The following TTC23 variants were observed in gnomAD, a reference collection of about 807,000 sequenced individuals.
TTC23 encodes tetratricopeptide repeat domain 23.
A neutral mutation model predicts 55.1 loss-of-function variants in TTC23; 58 were observed. The observed-to-expected ratio is 1.05, with a 90% CI of 0.85 to 1.31. The LOEUF is 1.31. Among genes scored for constraint, TTC23 ranks in the 50% most tolerant of loss-of-function variants. The probability of loss-of-function intolerance (pLI) is 0.00; values close to 1 mark genes in which losing one functional copy is unlikely to be tolerated. For synonymous variants in TTC23, 203 were observed against 199.9 expected, an observed-to-expected ratio of 1.02 and a Z score of -0.13; for missense variants, 516 against 534.4, an observed-to-expected ratio of 0.97 and a Z score of 0.34.
chr15:99,176,039 A>C (rs2073510944), intron 9 of TTC23, among the ~76,000 whole-genome samples: 1 of 152,204 alleles, frequency 6.6e-6, no homozygotes, highest in African/African-American at 2.4e-5. Flanking sequence ...GATCTTCTGA[A>C]CATAAAATCA....
chr15:99,237,730 T>C (rs775953620), intron 3 of TTC23, among the ~76,000 whole-genome samples: 2 of 152,086 alleles, frequency 1.3e-5, no homozygotes, highest in Non-Finnish European at 2.9e-5. Flanking sequence ...AGGAAACTTT[T>C]TGTGGTGGTG....
chr15:99,185,749 A>G (rs776639841), intron 9 of TTC23, among the ~76,000 whole-genome samples: 3 of 152,148 alleles, frequency 2.0e-5, no homozygotes, highest in Admixed American at 1.3e-4. Context: ...TCACATTTGC[A>G]TGGTTTTCTT....
chr15:99,143,815 A>T (rs1418425692), intron 12 of TTC23, among the ~76,000 whole-genome samples: 4 of 152,204 alleles, frequency 2.6e-5, no homozygotes, highest in African/African-American at 9.6e-5. Flanking sequence ...TGTCTTGCTC[A>T]CCACTGTGTT....
rs1215761867 is a variant in TTC23, at chr15:99,153,671, CAAAT to C, written c.1143+2473_1143+2476del. Among the ~76,000 whole-genome samples, 44 of 151,804 alleles carry C rather than the reference CAAAT, an allele frequency of 2.9e-4. 2 individuals are homozygous for C. Among genetic ancestry groups the C allele is most frequent in the Non-Finnish European group, 4.4e-5 (3 of 67,918 alleles). On this transcript the variant is annotated intron_variant, in intron 12 of 13. Coordinates refer to ENST00000394132, the MANE Select transcript of TTC23 (RefSeq NM_001288615.3). ...CATAAACAGATTAATAAAATGAAAA[CAAAT>C]GAATTAAATTCCCAACTCATAAACA... is the stretch of plus-strand genomic sequence containing the variant.
At position 99,218,957 on chromosome 15, in the gene TTC23, A is replaced by C. The variant is rs763163153; in HGVS notation, c.396T>G (p.Val132=). The change falls in exon 7 of 14, where the codon GTT becomes GTG. Residue 132 remains valine, a synonymous_variant. Transcript: ENST00000394132. ...IVPPYSENTD[V]FKFSIELFHT... is the part of the protein sequence containing the mutation. ...GGAAAAGCTCAATGGAAAACTTGAA[A>C]ACATCTGTATTCTCACTATAGGGAG... 4 of 1,614,216 alleles carry C rather than the reference A, an allele frequency of 2.5e-6. No homozygotes were observed. Among genetic ancestry groups the C allele is most frequent in the Non-Finnish European group, 3.4e-6 (4 of 1,180,018 alleles).
At chr15:99,180,873 A>C (rs557423492) in intron 9 of TTC23, among the ~76,000 whole-genome samples, 2 of 152,332 alleles carry the variant, frequency 1.3e-5, no homozygotes, top group South Asian at 4.1e-4. Context: ...CTCAGCGAGG[A>C]GACAATAGAA....
intron 3 of TTC23, among the ~76,000 whole-genome samples, chr15:99,235,491 C>G (rs1291780431): frequency 6.6e-6 from 1 of 151,848 alleles, no homozygotes; most frequent in Non-Finnish European, 1.5e-5. Flanking sequence ...CTGCCTCAGC[C>G]TCCCGAGTAG....
chr15:99,250,963 G>C (rs1226154498), upstream of TTC23, among the ~76,000 whole-genome samples: 3 of 152,150 alleles, frequency 2.0e-5, no homozygotes, highest in Non-Finnish European at 4.4e-5. Flanking sequence ...TAGTCCCTGT[G>C]TCATGGGATT....
At chr15:99,184,034 G>T (rs2074428158) in intron 9 of TTC23, among the ~76,000 whole-genome samples, 1 of 152,216 alleles carries the variant, frequency 6.6e-6, no homozygotes. Flanking sequence ...CCAAGCCTTG[G>T]TAGCTTCCAT....
intron 8 of TTC23, among the ~76,000 whole-genome samples, chr15:99,212,811 A>T (rs866188328): frequency 1.3e-5 from 2 of 151,694 alleles, no homozygotes; most frequent in Non-Finnish European, 2.9e-5. Flanking sequence ...TAGTAGTAAG[A>T]CCCTGTCTCT....
intron 12 of TTC23, among the ~76,000 whole-genome samples, chr15:99,142,394 A>C (rs2068337917): frequency 6.6e-6 from 1 of 152,188 alleles, no homozygotes; most frequent in Non-Finnish European, 1.5e-5. Flanking sequence ...TCAGTGTAAA[A>C]GATCAGGGCT....
chr15:99,137,151 TC>T lies in TTC23; in HGVS notation c.*858del, dbSNP rs2067654514. ...CACCTCGATCTGGCACTGGATCTCC[TC>T]GTTGACATCGTGGAGGAAGGCACTC... On this transcript the variant is annotated 3_prime_UTR_variant, in exon 14 of 14. Coordinates refer to ENST00000394132, the MANE Select transcript of TTC23 (RefSeq NM_001288615.3). The T allele has an allele frequency of 6.6e-6, 1 of 152,318 alleles. No homozygotes were observed. The allele number at this position is 152,318 out of a possible 1,614,324, so 9.4% of individuals were successfully genotyped here.
chr15:99,169,953 G>A (rs1246167667), intron 10 of TTC23, among the ~76,000 whole-genome samples: 2 of 152,194 alleles, frequency 1.3e-5, no homozygotes, highest in Non-Finnish European at 1.5e-5. Flanking sequence ...AAACAAGGCC[G>A]CCTGCACTCA....
intron 10 of TTC23, among the ~76,000 whole-genome samples, chr15:99,173,273 C>A (rs997569487): frequency 4.6e-5 from 7 of 152,196 alleles, no homozygotes; most frequent in Non-Finnish European, 7.3e-5. Context: ...GAGCCTTAAA[C>A]ATATTTCAGT....
intron 4 of TTC23, among the ~76,000 whole-genome samples, chr15:99,229,258 T>C (rs886937257): frequency 3.3e-5 from 5 of 152,146 alleles, no homozygotes; most frequent in Non-Finnish European, 7.4e-5. Flanking sequence ...AATAAATAAT[T>C]GTTGTTACAA....
chr15:99,206,452 G>C (rs993663394), intron 8 of TTC23, among the ~76,000 whole-genome samples: 2 of 152,124 alleles, frequency 1.3e-5, no homozygotes, highest in African/African-American at 4.8e-5. Flanking sequence ...GCTTTTCTTT[G>C]ATGGAAGACA....
intron 8 of TTC23, among the ~76,000 whole-genome samples, chr15:99,211,410 T>C (rs930392505): frequency 3.3e-5 from 5 of 151,800 alleles, no homozygotes; most frequent in African/African-American, 4.8e-5. Context: ...GAAGTAAGTA[T>C]ATACAATTGT....
At chr15:99,244,826 AAAC>A (rs2080103249) in intron 2 of TTC23, among the ~76,000 whole-genome samples, 1 of 152,222 alleles carries the variant, frequency 6.6e-6, no homozygotes. Context: ...AGAATAAATA[AAAC>A]AATCTTAAAA....
chr15:99,171,559 CTTTTTTTTT>C lies in TTC23; in HGVS notation c.865+3482_865+3490del, dbSNP rs35676358. Among the ~76,000 whole-genome samples the C allele has an allele frequency of 2.9e-4, 27 of 92,304 alleles. No individual in the cohort carries two copies. The Admixed American group carries it at 3.4e-3, about 12-fold the overall frequency. The allele number at this position is 92,304 out of a possible 152,430, so 60.6% of individuals were successfully genotyped here. A position where few individuals can be genotyped will look rare whatever the true frequency, so the allele number is the denominator to read the frequency against. On this transcript the variant is annotated intron_variant, in intron 10 of 13. Coordinates refer to ENST00000394132, the MANE Select transcript of TTC23 (RefSeq NM_001288615.3). ...CTTGCTTGCTCCTGAGTCTCTCCGT[CTTTTTTTTT>C]TTTTTTTTTTTTTGAGACTGAGTCT...
Sources: allele counts gnomAD v4.1 joint callset (sites outside exome capture counted in the v4.1 genomes callset), GRCh38; gene constraint gnomAD v4.1.1; transcripts MANE v1.5; gene names NCBI Gene and HGNC (gene_info 2026-07-23, HGNC 2026-07-21).